CDH13: variants seen among roughly 807,000 people sequenced by gnomAD.
CDH13 encodes cadherin-13.
Under a neutral mutation model 63.8 loss-of-function variants are expected in CDH13, and 24 were observed. That is an observed-to-expected ratio of 0.38 (90% CI 0.27 to 0.53). CDH13 has a LOEUF of 0.53. CDH13 is among the 20% of genes least tolerant of loss of function. The pLI is 0.85. For synonymous variants in CDH13, 503 were observed against 355.3 expected, an observed-to-expected ratio of 1.42 and a Z score of -4.67; for missense variants, 1,049 against 903.1, an observed-to-expected ratio of 1.16 and a Z score of -2.07.
chr16:83,097,551 A>G (rs2034267782), intron 3 of CDH13, among the ~76,000 whole-genome samples: 1 of 152,214 alleles, frequency 6.6e-6, no homozygotes, highest in Non-Finnish European at 1.5e-5. Context: ...CCAATACCCC[A>G]GTAATCAATA....
In CDH13 at chr16:83,306,930, G is replaced by T. The variant is rs144966732; in HGVS notation, c.637-37932G>T. 1.5e-3 allele frequency among the ~76,000 whole-genome samples: 230 copies of T among 152,318 alleles called. 1 individual carries two copies. The highest frequency in any genetic ancestry group is 3.4e-3 in the Middle Eastern group (1 of 294). On this transcript the variant is annotated intron_variant, in intron 5 of 13. Transcript: ENST00000567109. ...AGACCTATCCGTAAAGTTGTGGAAAGAAATGCAGACAGGAAAAAGAAAATC... is the reference window on the plus strand; with the variant it reads ...AGACCTATCCGTAAAGTTGTGGAAATAAATGCAGACAGGAAAAAGAAAATC...
chr16:83,125,361 CA>C (rs1487469136), intron 3 of CDH13, 23 bp from the exon 4 acceptor site: 1 of 1,252,270 alleles, frequency 8.0e-7, no homozygotes, highest in South Asian at 1.2e-5. Flanking sequence ...AGATTTTAAT[CA>C]ATCCTTTTGT....
At chr16:83,720,802 G>A (rs60550343) in intron 10 of CDH13, among the ~76,000 whole-genome samples, 60,683 of 152,028 alleles carry the variant, frequency 0.4, 12,525 homozygotes, top group Middle Eastern at 0.5. Flanking sequence ...ATCCTGGAAG[G>A]TAAGCCCCAT....
At chr16:83,369,080 T>C (rs548755602) in intron 6 of CDH13, among the ~76,000 whole-genome samples, 4 of 151,712 alleles carry the variant, frequency 2.6e-5, no homozygotes, top group African/African-American at 9.7e-5. Flanking sequence ...AGTAGATACC[T>C]AGTAGCAGGA....
chr16:83,545,765 T>C (rs1416536403), intron 7 of CDH13, among the ~76,000 whole-genome samples: 2 of 152,198 alleles, frequency 1.3e-5, no homozygotes, highest in Non-Finnish European at 2.9e-5. Flanking sequence ...CCACCCTTTA[T>C]CTGCCAGGCT....
chr16:82,660,428 G>A (rs1911796757), intron 1 of CDH13, among the ~76,000 whole-genome samples: 2 of 145,320 alleles, frequency 1.4e-5, no homozygotes, highest in Admixed American at 1.3e-4. Flanking sequence ...GGGCGTTCCT[G>A]TGCCTGCCGG....
At chr16:83,492,000 A>G (rs1358570126) in intron 7 of CDH13, among the ~76,000 whole-genome samples, 1 of 152,206 alleles carries the variant, frequency 6.6e-6, no homozygotes, top group Non-Finnish European at 1.5e-5. Flanking sequence ...AATATGTCAG[A>G]GAAGAAAACT....
chr16:82,685,626 G>A (rs1174388931), intron 1 of CDH13, among the ~76,000 whole-genome samples: 1 of 152,154 alleles, frequency 6.6e-6, no homozygotes, highest in Non-Finnish European at 1.5e-5. Flanking sequence ...GTGGATGTGT[G>A]TGTGTGCATG....
At chr16:83,144,578 A>C (rs2036666472) in intron 4 of CDH13, among the ~76,000 whole-genome samples, 1 of 152,232 alleles carries the variant, frequency 6.6e-6, no homozygotes, top group Non-Finnish European at 1.5e-5. Flanking sequence ...TTTTGACTAA[A>C]TAAATAGCTA....
At chr16:83,255,060 C>T (rs923644615) in intron 5 of CDH13, among the ~76,000 whole-genome samples, 14 of 150,626 alleles carry the variant, frequency 9.3e-5, no homozygotes, top group Non-Finnish European at 1.9e-4. Flanking sequence ...GCTTCTTTGC[C>T]CAAGGTGTCT....
At chr16:82,672,855 C>T (rs1367093150) in intron 1 of CDH13, among the ~76,000 whole-genome samples, 2 of 151,876 alleles carry the variant, frequency 1.3e-5, no homozygotes, top group Admixed American at 6.6e-5. Context: ...CACTGTGTTG[C>T]CCAGGCTGGA....
intron 6 of CDH13, among the ~76,000 whole-genome samples, chr16:83,395,835 G>A (rs1044366513): frequency 2.6e-5 from 4 of 152,172 alleles, no homozygotes; most frequent in African/African-American, 9.7e-5. Context: ...TGCACAGGAT[G>A]TGTAGGTTTG....
chr16:83,482,307 C>T (rs2073789253), intron 6 of CDH13, among the ~76,000 whole-genome samples: 1 of 152,198 alleles, frequency 6.6e-6, no homozygotes, highest in Admixed American at 6.5e-5. Context: ...CAAGAGCTCA[C>T]ATCTAGGACC....
intron 6 of CDH13, among the ~76,000 whole-genome samples, chr16:83,420,614 A>G (rs2071687004): frequency 6.6e-6 from 1 of 152,242 alleles, no homozygotes; most frequent in African/African-American, 2.4e-5. Flanking sequence ...GCAGAGGGAC[A>G]GAGCTAATAG....
chr16:83,613,342 T>C (rs1567805355), intron 8 of CDH13, among the ~76,000 whole-genome samples: 1 of 152,242 alleles, frequency 6.6e-6, no homozygotes. Flanking sequence ...CAAATATTTC[T>C]TCTGACTCAT....
chr16:83,459,118 T>C (rs977822650), intron 6 of CDH13, among the ~76,000 whole-genome samples: 1 of 152,216 alleles, frequency 6.6e-6, no homozygotes, highest in Non-Finnish European at 1.5e-5. Flanking sequence ...TTTTTAAATA[T>C]GGCAAAATTA....
At chr16:82,651,557 C>A (rs1910722175) in intron 1 of CDH13, among the ~76,000 whole-genome samples, 1 of 152,164 alleles carries the variant, frequency 6.6e-6, no homozygotes, top group South Asian at 2.1e-4. Context: ...CTGGCCAGGT[C>A]CTGAGAAAAG....
intron 1 of CDH13, among the ~76,000 whole-genome samples, chr16:82,646,852 G>A (rs1041381496): frequency 6.6e-6 from 1 of 152,174 alleles, no homozygotes; most frequent in Non-Finnish European, 1.5e-5. Flanking sequence ...GGAAGCCTGA[G>A]TCCAGATCTG....
chr16:83,543,970 A>G (rs2150656975), intron 7 of CDH13, among the ~76,000 whole-genome samples: 1 of 152,304 alleles, frequency 6.6e-6, no homozygotes, highest in African/African-American at 2.4e-5. Context: ...TGCCAGGGAG[A>G]ACACAGCTTT....
Sources: allele counts gnomAD v4.1 joint callset (sites outside exome capture counted in the v4.1 genomes callset), GRCh38; gene constraint gnomAD v4.1.1; transcripts MANE v1.5; gene names NCBI Gene and HGNC (gene_info 2026-07-23, HGNC 2026-07-21).